The following SMARCAL1 variants were observed in gnomAD, a reference collection of about 807,000 sequenced individuals.
SMARCAL1 encodes the protein SNF2 related chromatin remodeling annealing helicase 1.
In SMARCAL1, 58 loss-of-function variants were observed where a neutral mutation model predicts 94.5. That is an observed-to-expected ratio of 0.61 (90% CI 0.50 to 0.76). The LOEUF (loss-of-function observed/expected upper bound fraction) is 0.76, where lower values mean the gene tolerates loss of function less well. SMARCAL1 is among the 30% of genes least tolerant of loss of function. SMARCAL1 has a pLI of 0.00. For synonymous variants in SMARCAL1, 422 were observed against 455.1 expected (o/e 0.93, Z 0.93); for missense variants, 1,051 against 1,177.9 (o/e 0.89, Z 1.58).
At chr2:216,469,416 G>T (rs1333686337) in intron 14 of SMARCAL1, among the ~76,000 whole-genome samples, 1 of 151,536 alleles carries the variant, frequency 6.6e-6, no homozygotes, top group Non-Finnish European at 1.5e-5. Context: ...CGAGAAGCTG[G>T]GACTACAGGT....
intron 3 of SMARCAL1, chr2:216,415,952 C>T (rs1017020831): frequency 3.5e-5 from 15 of 426,244 alleles, no homozygotes; most frequent in Non-Finnish European, 5.7e-5. Context: ...GCCATTACTC[C>T]TCATACTGCT....
chr2:216,463,991 G>A (rs1479467644), intron 12 of SMARCAL1, among the ~76,000 whole-genome samples: 2 of 152,168 alleles, frequency 1.3e-5, no homozygotes, highest in South Asian at 2.1e-4. Flanking sequence ...GCAGTGAGCC[G>A]AGATCGCGCC....
intron 7 of SMARCAL1, among the ~76,000 whole-genome samples, chr2:216,431,149 G>A (rs1273826510): frequency 6.6e-6 from 1 of 152,230 alleles, no homozygotes; most frequent in African/African-American, 2.4e-5. Context: ...ACACTCTACT[G>A]GCTTCGGGCT....
intron 11 of SMARCAL1, among the ~76,000 whole-genome samples, chr2:216,449,841 CT>C (rs1284000347): frequency 6.7e-6 from 1 of 149,090 alleles, no homozygotes; most frequent in African/African-American, 2.4e-5. Context: ...ATGGTAATGG[CT>C]TCTTTTTTTT....
intron 12 of SMARCAL1, among the ~76,000 whole-genome samples, chr2:216,462,692 AG>A (rs1694730123): frequency 6.6e-6 from 1 of 152,176 alleles, no homozygotes; most frequent in Non-Finnish European, 1.5e-5. Flanking sequence ...TACCATTCAA[AG>A]CTAAGAAGCT....
In SMARCAL1 at chr2:216,468,383, A is replaced by G. The variant is rs139033892; in HGVS notation, c.2244+337A>G. On this transcript the variant is annotated intron_variant, in intron 14 of 17. Transcript: ENST00000357276. ...TCCTTTTGTATGGAGACAAGTATTTATGTGAATGTTTTCCTCTTTTCCTTC... is the reference window on the plus strand; with the variant it reads ...TCCTTTTGTATGGAGACAAGTATTTGTGTGAATGTTTTCCTCTTTTCCTTC... 2.0e-5 allele frequency among the ~76,000 whole-genome samples: 3 copies of G among 152,334 alleles called. No homozygotes were observed. In the East Asian group the frequency reaches 5.8e-4, roughly 29 times the overall value.
rs192799005 is a variant in SMARCAL1 at position 216,442,228 on chromosome 2, C to T, written c.1710+3743C>T. 1.2e-3 allele frequency among the ~76,000 whole-genome samples: 184 copies of T among 152,006 alleles called. 1 individual carries two copies. Among genetic ancestry groups the T allele is most frequent in the African/African-American group, 4.3e-3 (177 of 41,466 alleles). On this transcript the variant is annotated intron_variant, in intron 10 of 17. Coordinates refer to ENST00000357276, the MANE Select transcript of SMARCAL1 (RefSeq NM_014140.4). ...GGTCAGGAGTTTGAGACCAGCCTGGCCAAAATGGCGAAACCCCATCTCTAC... is the reference window on the plus strand; with the variant it reads ...GGTCAGGAGTTTGAGACCAGCCTGGTCAAAATGGCGAAACCCCATCTCTAC...
In SMARCAL1 at chr2:216,482,576, A is replaced by G. The variant is rs1397146056; in HGVS notation, c.2626-162A>G. Among the ~76,000 whole-genome samples the G allele has an allele frequency of 1.3e-5, 2 of 152,168 alleles. No homozygotes were observed. The highest frequency in any genetic ancestry group is 2.9e-5 in the Non-Finnish European group (2 of 68,032). On this transcript the variant is annotated intron_variant, in intron 17 of 17. Coordinates refer to ENST00000357276, the MANE Select transcript of SMARCAL1 (RefSeq NM_014140.4). The surrounding 1 kb of genome is among the most constrained non-coding windows in gnomAD (Gnocchi z 4.3). ...CTAAAACAGTGAGGCTGCTTTAGTG[A>G]TGGTTTGCTGAGATGATGCACACTT...
At chr2:216,413,476 T>C (rs536333725) in intron 1 of SMARCAL1, among the ~76,000 whole-genome samples, 2 of 152,346 alleles carry the variant, frequency 1.3e-5, no homozygotes, top group East Asian at 3.9e-4. Context: ...AATAAATTCT[T>C]ATATCTCCTA....
At chr2:216,441,926 T>C (rs1694205873) in intron 10 of SMARCAL1, among the ~76,000 whole-genome samples, 1 of 152,198 alleles carries the variant, frequency 6.6e-6, no homozygotes, top group Non-Finnish European at 1.5e-5. Context: ...ACTAGTGTAA[T>C]AACAAAATTA....
chr2:216,468,619 T>G (rs2106078016), intron 14 of SMARCAL1, among the ~76,000 whole-genome samples: 1 of 152,362 alleles, frequency 6.6e-6, no homozygotes, highest in East Asian at 1.9e-4. Context: ...TCTTCCCTCA[T>G]CGTTTATATT....
chr2:216,416,352 GA>G, intron 4 of SMARCAL1, 45 bp downstream of exon 4: 1 of 1,527,608 alleles, frequency 6.5e-7, no homozygotes, highest in Non-Finnish European at 9.1e-7. Context: ...CACTGGTGCT[GA>G]AAATCTTTAG....
At position 216,445,938 on chromosome 2, in the gene SMARCAL1, T is replaced by C. The variant is rs568872734; in HGVS notation, c.1711-1080T>C. The stretch of plus-strand genomic sequence containing the variant: ...CATCTGTAAACCTAATTTATTCTCC[T>C]AGGTGATTTATTACATGCAATTGCC... On this transcript the variant is annotated intron_variant, in intron 10 of 17. Transcript: ENST00000357276. Among the ~76,000 whole-genome samples the C allele has an allele frequency of 9.8e-5, 15 of 152,348 alleles. No homozygotes were observed. The South Asian group carries it at 2.9e-3, about 29-fold the overall frequency.
chr2:216,416,369 C>A, intron 4 of SMARCAL1, 62 bp downstream of exon 4: 1 of 1,389,328 alleles, frequency 7.2e-7, no homozygotes, highest in Non-Finnish European at 1.0e-6. Context: ...TTTAGAGTAT[C>A]ACATGTAGTC....
At chr2:216,435,700 C>G (rs1694065912) in intron 9 of SMARCAL1, among the ~76,000 whole-genome samples, 2 of 152,146 alleles carry the variant, frequency 1.3e-5, no homozygotes, top group South Asian at 2.1e-4. Flanking sequence ...ACTAGAATCT[C>G]TTAGGGAGCT....
intron 12 of SMARCAL1, among the ~76,000 whole-genome samples, chr2:216,452,400 G>C (rs1213297876): frequency 6.6e-6 from 1 of 152,072 alleles, no homozygotes; most frequent in Non-Finnish European, 1.5e-5. Flanking sequence ...AAGAAAACCA[G>C]TGAACTGGTA....
chr2:216,414,453 T>G, intron 2 of SMARCAL1, 194 bp from the exon 3 acceptor site: 1 of 476,694 alleles, frequency 2.1e-6, no homozygotes, highest in Non-Finnish European at 3.8e-6. Flanking sequence ...CTTTTTGCTT[T>G]TTGATCAGGG....
chr2:216,461,058 GTGT>G (rs1694687292), intron 12 of SMARCAL1, among the ~76,000 whole-genome samples: 2 of 33,160 alleles, frequency 6.0e-5, no homozygotes, highest in South Asian at 1.6e-3. Context: ...AGAAAGAGGT[GTGT>G]GTGTGTGTGT....
rs944569602 is a variant in SMARCAL1, at chr2:216,412,795, C to G, written c.-96+147C>G. 16 of 152,294 alleles carry G rather than the reference C, an allele frequency of 1.1e-4. No homozygotes were observed. The East Asian group carries it at 2.7e-3, about 26-fold the overall frequency. 9.4% of individuals were successfully genotyped at this position (152,294 alleles called of 1,614,324 possible). ...GGCGTGGCGCCCGCTTACCTTGAGG[C>G]TGGGTGAGGCTCGCCCCGAAATGCG... On this transcript the variant is annotated intron_variant, in intron 1 of 17. Coordinates refer to ENST00000357276, the MANE Select transcript of SMARCAL1 (RefSeq NM_014140.4).
Sources: allele counts gnomAD v4.1 joint callset (sites outside exome capture counted in the v4.1 genomes callset), GRCh38; gene constraint gnomAD v4.1.1; non-coding constraint Gnocchi (gnomAD v3.1); transcripts MANE v1.5; gene names NCBI Gene and HGNC (gene_info 2026-07-23, HGNC 2026-07-21).